Variants in SHISA9 observed in about 807,000 individuals in gnomAD.
The protein encoded by SHISA9 is shisa family member 9, also known as protein shisa-9.
SHISA9 carries 13 observed loss-of-function variants against 38.0 expected under a neutral mutation model. The ratio of observed to expected loss-of-function variants is 0.34; its 90% CI spans 0.22 to 0.54. The LOEUF is 0.54. SHISA9 is among the 20% of genes least tolerant of loss of function. SHISA9 has a pLI of 0.91. For missense variants in SHISA9, 538 were observed against 575.8 expected (o/e 0.93, Z 0.67); for synonymous variants, 275 against 242.0 (o/e 1.14, Z -1.27).
At chr16:13,041,132 A>G (rs1162246412) in intron 2 of SHISA9, among the ~76,000 whole-genome samples, 2 of 152,092 alleles carry the variant, frequency 1.3e-5, no homozygotes, top group African/African-American at 4.8e-5. Flanking sequence ...TCGCCTCCCA[A>G]CATCTCAGAG....
chr16:13,447,208 T>C, the SHISA9 span, among the ~76,000 whole-genome samples: 2 of 152,184 alleles, frequency 1.3e-5, no homozygotes, highest in African/African-American at 4.8e-5. Flanking sequence ...ATTTTCATTC[T>C]GAAAAATCCA....
intron 4 of SHISA9, among the ~76,000 whole-genome samples, chr16:13,215,751 G>T (rs528687146): frequency 5.3e-5 from 8 of 152,274 alleles, no homozygotes; most frequent in African/African-American, 1.4e-4. Context: ...TGGTCCCAGT[G>T]AGAACCAAGT....
At chr16:13,406,564 G>A in the SHISA9 span, among the ~76,000 whole-genome samples, 1 of 152,146 alleles carries the variant, frequency 6.6e-6, no homozygotes, top group Admixed American at 6.5e-5. Context: ...CCTTCTTCAA[G>A]AGCACTTGAC....
At chr16:12,974,016 G>C (rs569937312) in intron 2 of SHISA9, among the ~76,000 whole-genome samples, 1 of 152,098 alleles carries the variant, frequency 6.6e-6, no homozygotes, top group Non-Finnish European at 1.5e-5. Context: ...GCCCAGAGTG[G>C]GCTGAAGACA....
intron 1 of SHISA9, among the ~76,000 whole-genome samples, chr16:12,904,371 C>T (rs1567333083): frequency 6.6e-6 from 1 of 152,120 alleles, no homozygotes; most frequent in African/African-American, 2.4e-5. Flanking sequence ...GTTGGCCTGA[C>T]GGGAGGTGAG....
At chr16:13,134,023 A>G (rs2050327004) in intron 2 of SHISA9, among the ~76,000 whole-genome samples, 1 of 152,206 alleles carries the variant, frequency 6.6e-6, no homozygotes, top group African/African-American at 2.4e-5. Flanking sequence ...CTCTACAATC[A>G]TCTTGATCTC....
chr16:13,252,875 C>G, the SHISA9 span, among the ~76,000 whole-genome samples: 1 of 152,032 alleles, frequency 6.6e-6, no homozygotes, highest in Non-Finnish European at 1.5e-5. Context: ...TACAGTTGAC[C>G]CTTGAACAAC....
At chr16:12,934,267 T>C (rs189664400) in intron 2 of SHISA9, among the ~76,000 whole-genome samples, 48 of 152,324 alleles carry the variant, frequency 3.2e-4, no homozygotes, top group African/African-American at 1.1e-3. Context: ...CTAGACAGTA[T>C]GTTAGGTGTT....
At chr16:13,465,826 C>T in the SHISA9 span, among the ~76,000 whole-genome samples, 1 of 152,220 alleles carries the variant, frequency 6.6e-6, no homozygotes, top group African/African-American at 2.4e-5. Context: ...GCCAATGGGT[C>T]AAATGTGGCC....
At chr16:12,987,199 A>G (rs1240778809) in intron 2 of SHISA9, among the ~76,000 whole-genome samples, 1 of 152,182 alleles carries the variant, frequency 6.6e-6, no homozygotes, top group Non-Finnish European at 1.5e-5. Flanking sequence ...CTGTCCGTAG[A>G]TCTATACCAA....
chr16:13,313,636 T>G, the SHISA9 span, among the ~76,000 whole-genome samples: 1 of 152,194 alleles, frequency 6.6e-6, no homozygotes, highest in African/African-American at 2.4e-5. Context: ...GGAAACATTG[T>G]TTATGAATAG....
chr16:12,988,041 G>T (rs1010608323), intron 2 of SHISA9, among the ~76,000 whole-genome samples: 25 of 152,168 alleles, frequency 1.6e-4, no homozygotes, highest in African/African-American at 5.3e-4. Context: ...AGAGGAAAAA[G>T]AATATGCAGG....
chr16:13,285,510 C>T, the SHISA9 span, among the ~76,000 whole-genome samples: 5 of 139,504 alleles, frequency 3.6e-5, no homozygotes, highest in South Asian at 4.5e-4. Flanking sequence ...CAGATGAGGC[C>T]GAGTGAGATT....
rs4780485 is a variant in SHISA9, at chr16:12,954,505, G to A, written c.691+37690G>A. Among the ~76,000 whole-genome samples, 1,009 of 152,116 alleles carry A rather than the reference G, an allele frequency of 6.6e-3. 11 individuals carry two copies. Among genetic ancestry groups the A allele is most frequent in the African/African-American group, 0.022 (931 of 41,498 alleles). Reference sequence around the variant, plus strand: ...GTGTGTGTGTGGAGGGTTTGATGGAGGACAGGTTATTCCCTCAGTGCCTCT... The same window carrying A: ...GTGTGTGTGTGGAGGGTTTGATGGAAGACAGGTTATTCCCTCAGTGCCTCT... On this transcript the variant is annotated intron_variant, in intron 2 of 4. Coordinates refer to ENST00000558583, the MANE Select transcript of SHISA9 (RefSeq NM_001145204.3).
intron 2 of SHISA9, among the ~76,000 whole-genome samples, chr16:13,019,596 C>G (rs975560814): frequency 6.6e-6 from 1 of 151,556 alleles, no homozygotes; most frequent in Non-Finnish European, 1.5e-5. Flanking sequence ...TGTCACCACT[C>G]TTCATTTCCC....
chr16:12,915,941 T>A (rs2071248015), intron 1 of SHISA9, among the ~76,000 whole-genome samples: 1 of 151,882 alleles, frequency 6.6e-6, no homozygotes, highest in Admixed American at 6.6e-5. Flanking sequence ...TTGGGTGTGG[T>A]ATCTGTTTGA....
intron 2 of SHISA9, among the ~76,000 whole-genome samples, chr16:13,002,291 A>AC (rs2141842627): frequency 6.6e-6 from 1 of 152,286 alleles, no homozygotes; most frequent in Non-Finnish European, 1.5e-5. Context: ...AAATCCCTAA[A>AC]CAGTGACCTT....
At chr16:12,913,282 C>A (rs554532888) in intron 1 of SHISA9, among the ~76,000 whole-genome samples, 1 of 152,040 alleles carries the variant, frequency 6.6e-6, no homozygotes, top group Non-Finnish European at 1.5e-5. Flanking sequence ...CTGCAATCTC[C>A]ACCTCCTGGG....
chr16:13,518,409 C>A, the SHISA9 span, among the ~76,000 whole-genome samples: 3 of 152,270 alleles, frequency 2.0e-5, no homozygotes, highest in East Asian at 5.8e-4. Flanking sequence ...TCTTACAAAT[C>A]CCTCTCCTCT....
Sources: allele counts gnomAD v4.1 joint callset (sites outside exome capture counted in the v4.1 genomes callset), GRCh38; gene constraint gnomAD v4.1.1; transcripts MANE v1.5; gene names NCBI Gene and HGNC (gene_info 2026-07-23, HGNC 2026-07-21).